Variants in AADACL2 observed in about 807,000 individuals in gnomAD.
AADACL2 encodes the protein arylacetamide deacetylase like 2, also known as arylacetamide deacetylase-like 2.
A neutral mutation model predicts 22.3 loss-of-function variants in AADACL2; 23 were observed. That is an observed-to-expected ratio of 1.03 (90% CI 0.74 to 1.46). AADACL2 has a LOEUF of 1.46. Ranked by LOEUF, AADACL2 falls within the 40% of genes most tolerant of loss-of-function variation. The pLI is 0.00. For missense variants in AADACL2, 472 were observed against 482.9 expected (o/e 0.98, Z 0.21); for synonymous variants, 177 against 166.2 (o/e 1.07, Z -0.50).
At position 151,758,631 on chromosome 3, in the gene AADACL2, T is replaced by G. The variant is rs2107993808; in HGVS notation, c.*1037T>G. ...CTAGAAAAGCTTCTCCAAAAAACTT[T>G]CAAATATATCATCTCAAATTACCTA... On this transcript the variant is annotated 3_prime_UTR_variant, in exon 5 of 5. Transcript: ENST00000356517. 1 of 152,202 alleles carries G rather than the reference T, an allele frequency of 6.6e-6. No homozygotes were observed. Among genetic ancestry groups the G allele is most frequent in the South Asian group, 2.1e-4 (1 of 4,826 alleles). The allele number at this position is 152,202 out of a possible 1,614,324, so 9.4% of individuals were successfully genotyped here. A position where few individuals can be genotyped will look rare whatever the true frequency, so the allele number is the denominator to read the frequency against.
At chr3:151,742,254 C>A (rs1713301720) in intron 2 of AADACL2, among the ~76,000 whole-genome samples, 1 of 147,060 alleles carries the variant, frequency 6.8e-6, no homozygotes, top group South Asian at 2.2e-4. Context: ...TGTTTTTCAA[C>A]ATTTATCCTC....
chr3:151,736,354 C>T lies in AADACL2; in HGVS notation c.138+2181C>T, dbSNP rs559915747. Among the ~76,000 whole-genome samples the T allele has an allele frequency of 7.4e-5, 11 of 148,710 alleles. No homozygotes were observed. The South Asian group carries it at 1.3e-3, about 17-fold the overall frequency. On this transcript the variant is annotated intron_variant, in intron 1 of 4. Transcript: ENST00000356517. ...CAAGTTCTGGGATACATGTGCAGAA[C>T]GTGCAGGTTTGTTGCATAGGTATAC...
At chr3:151,735,550 G>C (rs572018605) in intron 1 of AADACL2, among the ~76,000 whole-genome samples, 1 of 152,334 alleles carries the variant, frequency 6.6e-6, no homozygotes, top group African/African-American at 2.4e-5. Context: ...CTGAGGCTAG[G>C]AGTTCAGGAC....
chr3:151,743,775 AGGGTCCT>A (rs1423993169), intron 2 of AADACL2, among the ~76,000 whole-genome samples: 3 of 152,142 alleles, frequency 2.0e-5, no homozygotes, highest in Non-Finnish European at 4.4e-5. Flanking sequence ...CAGGATACAA[AGGGTCCT>A]GGGAAGGGTC....
rs1553866889 is a variant in AADACL2, at chr3:151,761,206, T to TAG, written c.*3613_*3614insGA. The TAG allele has an allele frequency of 2.3e-5, 1 of 44,030 alleles. No homozygotes were observed. Among genetic ancestry groups the TAG allele is most frequent in the Non-Finnish European group, 4.6e-5 (1 of 21,628 alleles). The allele number at this position is 44,030 out of a possible 1,614,324, so 2.7% of individuals were successfully genotyped here. On this transcript the variant is annotated 3_prime_UTR_variant, in exon 5 of 5. Transcript: ENST00000356517. ...ATGGTGAGATATATACATATTGTGATATATATATATATATATATATATATA... is the reference window on the plus strand; with the variant it reads ...ATGGTGAGATATATACATATTGTGATAGATATATATATATATATATATATATA...
At chr3:151,755,558 G>C (rs76396400) in intron 4 of AADACL2, among the ~76,000 whole-genome samples, 6,318 of 152,198 alleles carry the variant, frequency 0.042, 436 homozygotes, top group African/African-American at 0.14. Context: ...TGACTCAGGT[G>C]CTTTTCCAAT....
chr3:151,745,852 T>C (rs569291846), intron 4 of AADACL2, among the ~76,000 whole-genome samples, 172 bp downstream of exon 4: 2 of 152,214 alleles, frequency 1.3e-5, no homozygotes, highest in Admixed American at 1.3e-4. Context: ...TTCTGGATTA[T>C]TTTGTTCCAT....
At chr3:151,738,298 T>C (rs1713161703) in intron 1 of AADACL2, among the ~76,000 whole-genome samples, 1 of 152,212 alleles carries the variant, frequency 6.6e-6, no homozygotes, top group African/African-American at 2.4e-5. Flanking sequence ...AAAATTCTTT[T>C]CTTTAAGAAT....
chr3:151,743,026 T>C (rs1317086725), intron 2 of AADACL2, among the ~76,000 whole-genome samples: 1 of 152,014 alleles, frequency 6.6e-6, no homozygotes, highest in East Asian at 1.9e-4. Context: ...AAATTAAAGC[T>C]CTCCCATTTT....
chr3:151,738,094 G>A (rs1399748762), intron 1 of AADACL2, among the ~76,000 whole-genome samples: 2 of 152,010 alleles, frequency 1.3e-5, no homozygotes, highest in African/African-American at 4.8e-5. Context: ...GCTGGTACCA[G>A]TTTTTCTTTT....
intron 1 of AADACL2, among the ~76,000 whole-genome samples, chr3:151,740,284 T>A (rs367990288): frequency 6.6e-6 from 1 of 152,174 alleles, no homozygotes; most frequent in Non-Finnish European, 1.5e-5. Context: ...GGTGAAGCAA[T>A]GCCCCACCCT....
chr3:151,740,454 T>G (rs912760184), intron 1 of AADACL2, among the ~76,000 whole-genome samples, 192 bp from the exon 2 acceptor site: 2 of 152,220 alleles, frequency 1.3e-5, no homozygotes, highest in Non-Finnish European at 2.9e-5. Context: ...TTGCCAGATA[T>G]TTGAGATTTT....
Position 151,757,660 on chromosome 3 carries a change from A to G in AADACL2, c.*66A>G, listed in dbSNP as rs1328055690. 6 of 1,496,896 alleles carry G rather than the reference A, an allele frequency of 4.0e-6. No individual in the cohort carries two copies. Among genetic ancestry groups the G allele is most frequent in the Non-Finnish European group, 5.4e-6 (6 of 1,116,316 alleles). 92.7% of individuals were successfully genotyped at this position (1,496,896 alleles called of 1,614,324 possible). A position where few individuals can be genotyped will look rare whatever the true frequency, so the allele number is the denominator to read the frequency against. On this transcript the variant is annotated 3_prime_UTR_variant, in exon 5 of 5. Transcript: ENST00000356517. ...AATTTGTGATATTTTGTGGTTTTGG[A>G]GCAAAGAACAATGTCATTTGAGTTA...
intron 1 of AADACL2, among the ~76,000 whole-genome samples, chr3:151,738,747 T>C (rs570806306): frequency 6.6e-6 from 1 of 152,344 alleles, no homozygotes; most frequent in South Asian, 2.1e-4. Context: ...ATTAAGTTGA[T>C]CTTCAATCCC....
At chr3:151,743,210 A>G (rs910631382) in intron 2 of AADACL2, among the ~76,000 whole-genome samples, 1 of 152,042 alleles carries the variant, frequency 6.6e-6, no homozygotes, top group Non-Finnish European at 1.5e-5. Context: ...CCTGTTTTCC[A>G]GGTTATATAT....
rs1016163897 is a variant in AADACL2 at position 151,744,270 on chromosome 3, T to G, written c.431+108T>G. 7 of 1,026,958 alleles carry G rather than the reference T, an allele frequency of 6.8e-6. No homozygotes were observed. The African/African-American group carries it at 1.1e-4, about 17-fold the overall frequency. 63.6% of individuals were successfully genotyped at this position (1,026,958 alleles called of 1,614,324 possible). On this transcript the variant is annotated intron_variant, in intron 3 of 4. Transcript: ENST00000356517. ...TCAAATATAATTTTTTAAATTAATA[T>G]ATTTTACTTGTCACCATTGCAACAT...
At position 151,761,178 on chromosome 3, in the gene AADACL2, TATATGG is replaced by T. The variant is rs1473039447; in HGVS notation, c.*3585_*3590del. 2.2e-3 allele frequency: 262 copies of T among 116,924 alleles called. 1 individual carries two copies. Among genetic ancestry groups the T allele is most frequent in the African/African-American group, 5.3e-3 (165 of 31,362 alleles). The allele number at this position is 116,924 out of a possible 1,614,324, so 7.2% of individuals were successfully genotyped here. ...ATATATGGTGAGATATATATTTATATATATGGTGAGATATATACATATTGTGATATA... is the reference window on the plus strand; with the variant it reads ...ATATATGGTGAGATATATATTTATATTGAGATATATACATATTGTGATATA... On this transcript the variant is annotated 3_prime_UTR_variant, in exon 5 of 5. Coordinates refer to ENST00000356517, the MANE Select transcript of AADACL2 (RefSeq NM_207365.4).
intron 1 of AADACL2, among the ~76,000 whole-genome samples, chr3:151,737,795 T>G (rs1713141363): frequency 6.6e-6 from 1 of 152,144 alleles, no homozygotes. Flanking sequence ...GCTTTTTTTT[T>G]CCATTTGCTT....
chr3:151,751,961 A>G (rs1713685386), intron 4 of AADACL2, among the ~76,000 whole-genome samples: 1 of 152,232 alleles, frequency 6.6e-6, no homozygotes, highest in Non-Finnish European at 1.5e-5. Context: ...ATAGTGTAGT[A>G]TGCAGATGAA....
Sources: gnomAD v4.1 joint callset for allele counts (sites outside exome capture counted in the v4.1 genomes callset) on GRCh38, gnomAD v4.1.1 for gene constraint, MANE v1.5 for transcripts, NCBI Gene and HGNC (gene_info 2026-07-23, HGNC 2026-07-21) for gene names.